PKIA: variants seen among roughly 807,000 people sequenced by gnomAD.
PKIA encodes the protein cAMP-dependent protein kinase inhibitor alpha, also known as PKI-alpha.
Under a neutral mutation model 7.6 loss-of-function variants are expected in PKIA, and 4 were observed. That is an observed-to-expected ratio of 0.52 (90% CI 0.26 to 1.20). The LOEUF (loss-of-function observed/expected upper bound fraction) is 1.20, where lower values mean the gene tolerates loss of function less well. PKIA is among the 50% of genes most tolerant of loss of function. PKIA has a pLI of 0.13. For missense variants in PKIA, 73 were observed against 86.2 expected, an observed-to-expected ratio of 0.85 and a Z score of 0.61; for synonymous variants, 21 against 30.7, an observed-to-expected ratio of 0.68 and a Z score of 1.04.
At chr8:78,585,738 G>C (rs1194829050) in intron 2 of PKIA, among the ~76,000 whole-genome samples, 1 of 152,096 alleles carries the variant, frequency 6.6e-6, no homozygotes, top group Non-Finnish European at 1.5e-5. Flanking sequence ...GATTGGAGTA[G>C]ATATTTAGAC....
chr8:78,542,572 T>C (rs1391433324), intron 1 of PKIA, among the ~76,000 whole-genome samples: 2 of 152,148 alleles, frequency 1.3e-5, no homozygotes, highest in Non-Finnish European at 2.9e-5. Context: ...ATACTAAAAT[T>C]TGTAGTCCCA....
intron 1 of PKIA, among the ~76,000 whole-genome samples, chr8:78,529,292 C>G (rs1423143831): frequency 6.6e-6 from 1 of 152,098 alleles, no homozygotes; most frequent in Non-Finnish European, 1.5e-5. Context: ...GTGTGATCAA[C>G]AGATGACTAG....
intron 1 of PKIA, among the ~76,000 whole-genome samples, chr8:78,571,667 A>G (rs1012263705): frequency 2.0e-5 from 3 of 151,878 alleles, no homozygotes; most frequent in Non-Finnish European, 4.4e-5. Context: ...GCTTTCTTTC[A>G]TGCCTCTATT....
chr8:78,534,457 G>T (rs576747582), intron 1 of PKIA: 11 of 152,240 alleles, frequency 7.2e-5, no homozygotes, highest in African/African-American at 2.4e-4. Context: ...TGAGAATTTA[G>T]AAGTTTTTTC....
chr8:78,594,461 T>A (rs908997886), intron 2 of PKIA, among the ~76,000 whole-genome samples: 1 of 152,116 alleles, frequency 6.6e-6, no homozygotes, highest in African/African-American at 2.4e-5. Context: ...GCAGCAGGCT[T>A]GAAAGGCCTT....
intron 1 of PKIA, among the ~76,000 whole-genome samples, chr8:78,525,480 C>T (rs1476215907): frequency 6.6e-6 from 1 of 151,954 alleles, no homozygotes; most frequent in African/African-American, 2.4e-5. Context: ...TGACACTAAA[C>T]AGTCCATTAA....
intron 1 of PKIA, among the ~76,000 whole-genome samples, chr8:78,522,826 G>C (rs1809442409): frequency 6.6e-6 from 1 of 151,714 alleles, no homozygotes. Flanking sequence ...TGGTCTGTTT[G>C]TTCAGATTTA....
At chr8:78,584,390 A>G (rs1164321463) in intron 2 of PKIA, among the ~76,000 whole-genome samples, 1 of 152,152 alleles carries the variant, frequency 6.6e-6, no homozygotes, top group Non-Finnish European at 1.5e-5. Flanking sequence ...AAGCATGGCT[A>G]TAATTTCACA....
intron 2 of PKIA, among the ~76,000 whole-genome samples, chr8:78,588,437 G>A (rs1425241341): frequency 6.6e-6 from 1 of 152,176 alleles, no homozygotes; most frequent in East Asian, 1.9e-4. Flanking sequence ...CCAAGATCAT[G>A]CCACGGCACT....
intron 2 of PKIA, among the ~76,000 whole-genome samples, chr8:78,582,450 G>T (rs181072804): frequency 6.6e-6 from 1 of 151,962 alleles, no homozygotes; most frequent in Non-Finnish European, 1.5e-5. Flanking sequence ...TCACTATCAC[G>T]AGAACAGCAT....
chr8:78,546,216 C>A (rs1806818014), intron 1 of PKIA, among the ~76,000 whole-genome samples: 3 of 152,152 alleles, frequency 2.0e-5, no homozygotes, highest in African/African-American at 7.2e-5. Flanking sequence ...ATCTGCTTTG[C>A]CTTGCAAAAT....
Position 78,601,725 on chromosome 8 carries a change from T to G in PKIA, c.152-17T>G, listed in dbSNP as rs768700820. Reference sequence around the variant, plus strand: ...TTTTTATTTTGCCTTTATTCTGTTTTCGTTTTTCTTTTGCAGAAGGTGAAG... The same window carrying G: ...TTTTTATTTTGCCTTTATTCTGTTTGCGTTTTTCTTTTGCAGAAGGTGAAG... On this transcript the variant is annotated splice_polypyrimidine_tract_variant and intron_variant, in intron 3 of 3. Transcript: ENST00000396418. The G allele has an allele frequency of 6.3e-7, 1 of 1,598,186 alleles. No individual in the cohort carries two copies. The highest frequency in any genetic ancestry group is 1.3e-5 in the African/African-American group (1 of 74,526).
chr8:78,529,231 C>T (rs1217551569), intron 1 of PKIA, among the ~76,000 whole-genome samples: 1 of 152,094 alleles, frequency 6.6e-6, no homozygotes, highest in Admixed American at 6.6e-5. Context: ...AATATACCTG[C>T]TACTTCCTTT....
At chr8:78,527,131 C>G (rs753777492) in intron 1 of PKIA, among the ~76,000 whole-genome samples, 2 of 152,000 alleles carry the variant, frequency 1.3e-5, no homozygotes, top group Admixed American at 6.6e-5. Flanking sequence ...TAACTTCACT[C>G]TTTCACGTAA....
At chr8:78,579,132 T>A (rs1445676286) in intron 2 of PKIA, among the ~76,000 whole-genome samples, 1 of 152,004 alleles carries the variant, frequency 6.6e-6, no homozygotes, top group Non-Finnish European at 1.5e-5. Context: ...AAATCTGTCC[T>A]GGATCCCTCT....
At chr8:78,562,367 A>T (rs1807306377) in intron 1 of PKIA, among the ~76,000 whole-genome samples, 2 of 152,186 alleles carry the variant, frequency 1.3e-5, no homozygotes, top group Admixed American at 6.5e-5. Context: ...GAGACTCAAC[A>T]GTCAAAGTAA....
At chr8:78,539,245 A>T (rs924510000) in intron 1 of PKIA, among the ~76,000 whole-genome samples, 2 of 152,096 alleles carry the variant, frequency 1.3e-5, no homozygotes, top group Non-Finnish European at 2.9e-5. Flanking sequence ...AATGAACATG[A>T]TAATTCTTTT....
chr8:78,598,599 G>A lies in PKIA; in HGVS notation c.151+64G>A, dbSNP rs1462139518. The A allele has an allele frequency of 9.8e-6, 13 of 1,322,122 alleles. No homozygotes were observed. The African/African-American group carries it at 1.0e-4, about 10-fold the overall frequency. The allele number at this position is 1,322,122 out of a possible 1,614,324, so 81.9% of individuals were successfully genotyped here. ...TGATTTGCGGCATTTTACTAAGAGG[G>A]ATTAAGGCACGAAAAGCCATCTTTG... On this transcript the variant is annotated intron_variant, in intron 3 of 3. Coordinates refer to ENST00000396418, the MANE Select transcript of PKIA (RefSeq NM_006823.4).
In PKIA at chr8:78,602,208, T is replaced by C. The variant is rs938898788; in HGVS notation, c.*387T>C. On this transcript the variant is annotated 3_prime_UTR_variant, in exon 4 of 4. Coordinates refer to ENST00000396418, the MANE Select transcript of PKIA (RefSeq NM_006823.4). The stretch of plus-strand genomic sequence containing the variant: ...GCGAAGGGTTGATTGAACCCCAGAG[T>C]TTAAATATCTCTGGCTCAAGTGTTC... 1 of 198,110 alleles carries C rather than the reference T, an allele frequency of 5.0e-6. No homozygotes were observed. Among genetic ancestry groups the C allele is most frequent in the Non-Finnish European group, 1.0e-5 (1 of 97,972 alleles). 12.3% of individuals were successfully genotyped at this position (198,110 alleles called of 1,614,324 possible).
Sources: gnomAD v4.1 joint callset for allele counts (sites outside exome capture counted in the v4.1 genomes callset) on GRCh38, gnomAD v4.1.1 for gene constraint, MANE v1.5 for transcripts, NCBI Gene and HGNC (gene_info 2026-07-23, HGNC 2026-07-21) for gene names.